The following NFIA variants were observed in gnomAD, a reference collection of about 807,000 sequenced individuals.
The protein encoded by NFIA is nuclear factor I A, also known as nuclear factor 1 A-type.
A neutral mutation model predicts 62.8 loss-of-function variants in NFIA; 8 were observed. That is an observed-to-expected ratio of 0.13 (90% confidence interval 0.07 to 0.23). The LOEUF (loss-of-function observed/expected upper bound fraction) is 0.23. Among genes scored for constraint, NFIA ranks in the 10% least tolerant of loss-of-function variants. The probability of loss-of-function intolerance (pLI) is 1.00; values close to 1 mark genes in which losing one functional copy is unlikely to be tolerated. For synonymous variants in NFIA, 235 were observed against 238.1 expected, an observed-to-expected ratio of 0.99 and a Z score of 0.12; for missense variants, 410 against 642.1, an observed-to-expected ratio of 0.64 and a Z score of 3.91.
chr1:61,296,314 C>T (rs750368214), intron 3 of NFIA, among the ~76,000 whole-genome samples: 2 of 152,260 alleles, frequency 1.3e-5, no homozygotes, highest in African/African-American at 2.4e-5. Flanking sequence ...CCTTGAATCT[C>T]CAGGCTTTTT....
At chr1:61,393,435 T>G (rs1057324482) in intron 7 of NFIA, among the ~76,000 whole-genome samples, 1 of 150,210 alleles carries the variant, frequency 6.7e-6, no homozygotes, top group Admixed American at 6.6e-5. Flanking sequence ...GCTCCAGCCT[T>G]AATTTCCACC....
intron 3 of NFIA, among the ~76,000 whole-genome samples, chr1:61,319,116 A>G (rs1014772406): frequency 1.3e-5 from 2 of 152,118 alleles, no homozygotes; most frequent in African/African-American, 4.8e-5. Context: ...CCCAGTGAAT[A>G]TAATTCATTG....
rs1355760552 is a variant in NFIA at position 61,457,739 on chromosome 1, G to T, written c.*2419G>T. 1 of 151,552 alleles carries T rather than the reference G, an allele frequency of 6.6e-6. No individual in the cohort carries two copies. The highest frequency in any genetic ancestry group is 1.5e-5 in the Non-Finnish European group (1 of 67,942). The allele number at this position is 151,552 out of a possible 1,614,324, so 9.4% of individuals were successfully genotyped here. On this transcript the variant is annotated 3_prime_UTR_variant, in exon 11 of 11. Transcript: ENST00000403491. The surrounding 1 kb of genome is among the most constrained non-coding windows in gnomAD (Gnocchi z 4.2). ...TTTTGAATGCACGTGCGCAGGAAGG[G>T]CTCCTCTTAGAGAAGCAGTCAAACT...
chr1:61,084,151 C>A (rs1320617249), intron 1 of NFIA, among the ~76,000 whole-genome samples: 1 of 152,116 alleles, frequency 6.6e-6, no homozygotes, highest in Non-Finnish European at 1.5e-5. Flanking sequence ...CTTAAAAAAC[C>A]TACCACTTCT....
chr1:61,406,296 T>C (rs945695257), intron 8 of NFIA, among the ~76,000 whole-genome samples: 3 of 152,150 alleles, frequency 2.0e-5, no homozygotes, highest in Admixed American at 6.5e-5. Context: ...TGAAACCAGA[T>C]GCAAAGAAGG....
chr1:61,302,592 A>G (rs1393589709), intron 3 of NFIA, among the ~76,000 whole-genome samples: 2 of 152,188 alleles, frequency 1.3e-5, no homozygotes, highest in Non-Finnish European at 1.5e-5. Context: ...GTCTTCGTCC[A>G]TAGTAACAAT....
chr1:61,350,120 C>G (rs2100426174), intron 4 of NFIA, among the ~76,000 whole-genome samples: 1 of 152,256 alleles, frequency 6.6e-6, no homozygotes, highest in East Asian at 1.9e-4. Context: ...TTGATGATAG[C>G]ATTCCCATAC....
At chr1:61,418,822 T>C (rs1207571669) in intron 9 of NFIA, among the ~76,000 whole-genome samples, 1 of 152,214 alleles carries the variant, frequency 6.6e-6, no homozygotes, top group East Asian at 1.9e-4. Flanking sequence ...TTGCACTGCC[T>C]TTTGAGAGGC....
chr1:61,443,584 T>G (rs1324130397), intron 10 of NFIA, among the ~76,000 whole-genome samples: 1 of 152,206 alleles, frequency 6.6e-6, no homozygotes, highest in African/African-American at 2.4e-5. Context: ...CCAGGTATGC[T>G]CACCTATCAG....
chr1:61,215,102 G>GA (rs978298760), intron 2 of NFIA, among the ~76,000 whole-genome samples: 2 of 151,788 alleles, frequency 1.3e-5, no homozygotes, highest in Non-Finnish European at 2.9e-5. Context: ...TTTTAAAACT[G>GA]AAAAAAATAG....
chr1:61,141,130 C>T (rs995946867), intron 2 of NFIA, among the ~76,000 whole-genome samples: 2 of 151,944 alleles, frequency 1.3e-5, no homozygotes, highest in African/African-American at 4.8e-5. Context: ...TTAGAATGAC[C>T]TCAGTAACAA....
At chr1:61,450,556 G>A (rs1018797089) in intron 10 of NFIA, among the ~76,000 whole-genome samples, 1 of 152,184 alleles carries the variant, frequency 6.6e-6, no homozygotes, top group African/African-American at 2.4e-5. Flanking sequence ...GGGGGCTGAT[G>A]AGGAGCTGGG....
At chr1:61,345,509 T>TC (rs111805833) in intron 4 of NFIA, among the ~76,000 whole-genome samples, 6,195 of 152,200 alleles carry the variant, frequency 0.041, 418 homozygotes, top group African/African-American at 0.14. Context: ...GGATCAGGAT[T>TC]CCCCAGTGCT....
At chr1:61,423,480 A>G (rs1020665515) in intron 9 of NFIA, among the ~76,000 whole-genome samples, 8 of 152,180 alleles carry the variant, frequency 5.3e-5, no homozygotes, top group African/African-American at 1.9e-4. Flanking sequence ...ATTATTTTTC[A>G]TAGTTCTACC....
intron 3 of NFIA, among the ~76,000 whole-genome samples, chr1:61,298,997 T>A (rs1659347395): frequency 6.6e-6 from 1 of 152,174 alleles, no homozygotes; most frequent in South Asian, 2.1e-4. Context: ...TATTTTGAAA[T>A]TTTTGAGACC....
intron 3 of NFIA, among the ~76,000 whole-genome samples, chr1:61,327,045 ATATGATATGTATATATCTACTAT>A (rs1207487229): frequency 2.0e-5 from 3 of 148,672 alleles, no homozygotes; most frequent in Non-Finnish European, 4.5e-5. Flanking sequence ...AAATATATAT[ATATGATATGTATATATCTACTAT>A]TATGATATGT....
intron 2 of NFIA, among the ~76,000 whole-genome samples, chr1:61,106,360 G>C (rs1446446956): frequency 6.6e-6 from 1 of 151,784 alleles, no homozygotes; most frequent in East Asian, 1.9e-4. Flanking sequence ...CATTTGGATA[G>C]CTGTTGTTTG....
rs1333780667 is a variant in NFIA at position 61,461,501 on chromosome 1, T to C, written c.*6181T>C. The C allele has an allele frequency of 1.3e-5, 2 of 152,188 alleles. No homozygotes were observed. The highest frequency in any genetic ancestry group is 4.8e-5 in the African/African-American group (2 of 41,436). The allele number at this position is 152,188 out of a possible 1,614,324, so 9.4% of individuals were successfully genotyped here. On this transcript the variant is annotated 3_prime_UTR_variant, in exon 11 of 11. Coordinates refer to ENST00000403491, the MANE Select transcript of NFIA (RefSeq NM_001134673.4). Reference sequence around the variant, plus strand: ...ATAAATTTCATCTCATTTTTTTCCCTAAACCAGCACCCATCTGCCTTTTAT... The same window carrying C: ...ATAAATTTCATCTCATTTTTTTCCCCAAACCAGCACCCATCTGCCTTTTAT...
In NFIA at chr1:61,455,762, A is replaced by T. The variant is rs1158715223; in HGVS notation, c.*442A>T. The T allele has an allele frequency of 5.3e-6, 1 of 187,262 alleles. No individual in the cohort carries two copies. The highest frequency in any genetic ancestry group is 1.1e-5 in the Non-Finnish European group (1 of 91,482). The allele number at this position is 187,262 out of a possible 1,614,324, so 11.6% of individuals were successfully genotyped here. ...TCCTCCTTGAGCATTGAGGAGGCACATGGAGAACTAAATCTTTTGTAGTAG... is the reference window on the plus strand; with the variant it reads ...TCCTCCTTGAGCATTGAGGAGGCACTTGGAGAACTAAATCTTTTGTAGTAG... On this transcript the variant is annotated 3_prime_UTR_variant, in exon 11 of 11. Transcript: ENST00000403491.
Sources: allele counts gnomAD v4.1 joint callset (sites outside exome capture counted in the v4.1 genomes callset), GRCh38; gene constraint gnomAD v4.1.1; non-coding constraint Gnocchi (gnomAD v3.1); transcripts MANE v1.5; gene names NCBI Gene and HGNC (gene_info 2026-07-23, HGNC 2026-07-21).